The following CNNM1 variants were observed in gnomAD, a reference collection of about 807,000 sequenced individuals.
CNNM1 encodes metal transporter CNNM1.
Under a neutral mutation model 78.8 loss-of-function variants are expected in CNNM1, and 44 were observed. That is an observed-to-expected ratio of 0.56 (90% CI 0.44 to 0.72). The LOEUF (loss-of-function observed/expected upper bound fraction) is 0.72. CNNM1 is among the 30% of genes least tolerant of loss of function. CNNM1 has a pLI of 0.00. For synonymous variants in CNNM1, 584 were observed against 581.5 expected (o/e 1.00, Z -0.06); for missense variants, 1,101 against 1,292.2 (o/e 0.85, Z 2.27).
chr10:99,360,862 C>T lies in CNNM1; in HGVS notation c.1745C>T (p.Pro582Leu), dbSNP rs150442293. 1.2e-5 allele frequency: 19 copies of T among 1,610,848 alleles called. No homozygotes were observed. Among genetic ancestry groups the T allele is most frequent in the African/African-American group, 5.3e-5 (4 of 74,852 alleles). The change falls in exon 3 of 11, where the codon CCG becomes CTG. Residue 582 changes from proline (P) to leucine (L), a missense_variant. Physicochemically the swap from Pro to Leu is moderately conservative, Grantham distance 98. Around this residue, in one of 3 missense-constraint regions of CNNM1, gnomAD observed 277 missense variants for 423.2 expected, o/e 0.65. Transcript: ENST00000356713. ...GACAATCGGAAAAAGCAGAGGGTCC[C>T]GCAACGGGAGCGGAAGCGGCATGAC... ...YTDNRKKQRV[P>L]QRERKRHDFS...
At chr10:99,350,910 C>T (rs1464595217) in intron 1 of CNNM1, among the ~76,000 whole-genome samples, 1 of 151,982 alleles carries the variant, frequency 6.6e-6, no homozygotes, top group Non-Finnish European at 1.5e-5. Context: ...TTAGCTTCAT[C>T]CCTGTCTTCT....
In CNNM1 at chr10:99,330,815, G is replaced by A; in HGVS notation, c.1428G>A (p.Val476=). The A allele has an allele frequency of 6.2e-7, 1 of 1,614,148 alleles. No individual in the cohort carries two copies. The highest frequency in any genetic ancestry group is 8.5e-7 in the Non-Finnish European group (1 of 1,180,028). The part of the protein sequence containing the change: ...VYEGDQRHNI[V]DILFVKDLAF... ...AGGGTGACCAGCGGCACAACATTGTGGACATTTTATTTGTCAAGGACTTGG... is the reference window on the plus strand; with the variant it reads ...AGGGTGACCAGCGGCACAACATTGTAGACATTTTATTTGTCAAGGACTTGG... The change falls in exon 1 of 11, where the codon GTG becomes GTA. Residue 476 remains valine (V), a synonymous_variant. Transcript: ENST00000356713.
At chr10:99,361,624 T>C (rs184960709) in intron 3 of CNNM1, among the ~76,000 whole-genome samples, 3 of 152,362 alleles carry the variant, frequency 2.0e-5, no homozygotes, top group Admixed American at 2.0e-4. Context: ...TGCTTTAAGA[T>C]AGAATTTCTA....
chr10:99,366,655 G>A (rs532164010), intron 6 of CNNM1, among the ~76,000 whole-genome samples: 2 of 152,198 alleles, frequency 1.3e-5, no homozygotes, highest in African/African-American at 4.8e-5. Flanking sequence ...GGTAGCACGT[G>A]CCTTTGATCC....
intron 1 of CNNM1, among the ~76,000 whole-genome samples, chr10:99,349,817 G>A (rs2030865545): frequency 2.0e-5 from 3 of 152,160 alleles, no homozygotes; most frequent in Admixed American, 1.3e-4. Context: ...TGGCTAACAC[G>A]GTGAAACCCC....
intron 6 of CNNM1, among the ~76,000 whole-genome samples, chr10:99,375,748 A>T (rs907162063): frequency 6.6e-6 from 1 of 152,226 alleles, no homozygotes; most frequent in African/African-American, 2.4e-5. Flanking sequence ...AGCAGAATCT[A>T]TAAAGAATCT....
intron 6 of CNNM1, chr10:99,368,670 A>G: frequency 5.4e-6 from 7 of 1,289,610 alleles, no homozygotes; most frequent in Non-Finnish European, 7.1e-6. Context: ...ACTCTCTGGC[A>G]GGCTCCCCAG....
chr10:99,330,323 CG>C lies in CNNM1; in HGVS notation c.940del (p.Glu314LysfsTer48). The stretch of plus-strand genomic sequence containing the variant: ...CGCTGCCGCCGGGCTTCGGGGGCAC[CG>C]GGGAAGACTACAGCGAAGAGGGGAT... ...TSLPPGFGGT[G>X]EDYSEEGIHF... On this transcript the variant is annotated frameshift_variant, in exon 1 of 11. Transcript: ENST00000356713. LOFTEE classifies it high-confidence loss of function. The C allele has an allele frequency of 1.9e-6, 3 of 1,597,324 alleles. No individual in the cohort carries two copies. Among genetic ancestry groups the C allele is most frequent in the Non-Finnish European group, 1.7e-6 (2 of 1,172,950 alleles).
rs188951046 is a variant in CNNM1, at chr10:99,376,657, C to T, written c.2177-398C>T. Among the ~76,000 whole-genome samples the T allele has an allele frequency of 2.2e-4, 34 of 152,304 alleles. 1 individual carries two copies. In the East Asian group the frequency reaches 6.4e-3, roughly 29 times the overall value. ...AGGGTAGCAAGCCATGCTTGTAGTACTGCCCTCATCTCGTTCGGGGTCCTT... is the reference window on the plus strand; with the variant it reads ...AGGGTAGCAAGCCATGCTTGTAGTATTGCCCTCATCTCGTTCGGGGTCCTT... On this transcript the variant is annotated intron_variant, in intron 6 of 10. Coordinates refer to ENST00000356713, the MANE Select transcript of CNNM1 (RefSeq NM_020348.3).
At chr10:99,342,230 A>G (rs570110750) in intron 1 of CNNM1, among the ~76,000 whole-genome samples, 2 of 152,320 alleles carry the variant, frequency 1.3e-5, no homozygotes, top group South Asian at 4.2e-4. Flanking sequence ...TAGGGAGTCA[A>G]TGGAGAGACC....
At chr10:99,351,424 CAGGT>C (rs2030943170) in intron 1 of CNNM1, among the ~76,000 whole-genome samples, 1 of 152,110 alleles carries the variant, frequency 6.6e-6, no homozygotes, top group Non-Finnish European at 1.5e-5. Context: ...AAATGGTAAA[CAGGT>C]AGAGAGGAGA....
At chr10:99,331,107 G>A in intron 1 of CNNM1, 147 bp downstream of exon 1, 1 of 766,574 alleles carries the variant, frequency 1.3e-6, no homozygotes, top group Non-Finnish European at 2.0e-6. Context: ...TGGCTCCCTG[G>A]CTATTTTCAT....
intron 1 of CNNM1, among the ~76,000 whole-genome samples, chr10:99,350,995 C>T (rs562578856): frequency 6.4e-4 from 97 of 152,286 alleles, no homozygotes; most frequent in South Asian, 1.2e-3. Context: ...GCCAAATGTC[C>T]CCTGGGGGGC....
chr10:99,340,559 T>C (rs2030394607), intron 1 of CNNM1, among the ~76,000 whole-genome samples: 1 of 152,220 alleles, frequency 6.6e-6, no homozygotes, highest in Admixed American at 6.5e-5. Context: ...CTGTGGGTTT[T>C]CCTAGTAGTA....
intron 10 of CNNM1, among the ~76,000 whole-genome samples, chr10:99,390,665 C>T (rs182586235): frequency 7.2e-5 from 11 of 152,230 alleles, no homozygotes; most frequent in Non-Finnish European, 1.5e-4. Flanking sequence ...GACCTCCCTC[C>T]TTTACTTGTT....
chr10:99,337,066 T>G (rs1050781169), intron 1 of CNNM1, among the ~76,000 whole-genome samples: 2 of 152,236 alleles, frequency 1.3e-5, no homozygotes, highest in Non-Finnish European at 2.9e-5. Flanking sequence ...CTCATAAGAT[T>G]GTGTGAAATA....
At position 99,329,402 on chromosome 10, in the gene CNNM1, GGCGGCGGCAGCA is replaced by G; in HGVS notation, c.20_31del (p.Ala7_Ala10del). 1 of 806,704 alleles carries G rather than the reference GGCGGCGGCAGCA, an allele frequency of 1.2e-6. No homozygotes were observed. The highest frequency in any genetic ancestry group is 1.9e-6 in the Non-Finnish European group (1 of 540,304). 50.0% of individuals were successfully genotyped at this position (806,704 alleles called of 1,614,324 possible). A position where few individuals can be genotyped will look rare whatever the true frequency, so the allele number is the denominator to read the frequency against. On this transcript the variant is annotated inframe_deletion, in exon 1 of 11. Coordinates refer to ENST00000356713, the MANE Select transcript of CNNM1 (RefSeq NM_020348.3). ...CTGGGTGCAGGATGGCGGCGGCCGC[GGCGGCGGCAGCA>G]GCGGTGGGTGTCAGGCTCCGGGACT...
intron 6 of CNNM1, among the ~76,000 whole-genome samples, chr10:99,367,238 A>T (rs1381025357): frequency 6.6e-6 from 1 of 152,190 alleles, no homozygotes; most frequent in Non-Finnish European, 1.5e-5. Flanking sequence ...AAAATCTTGT[A>T]GGGTCTTGGC....
chr10:99,365,071 T>C, intron 6 of CNNM1, 69 bp downstream of exon 6: 2 of 1,528,032 alleles, frequency 1.3e-6, no homozygotes, highest in Non-Finnish European at 1.8e-6. Context: ...TCTGGGGACC[T>C]GGACCGAGCA....
Sources: allele counts gnomAD v4.1 joint callset (sites outside exome capture counted in the v4.1 genomes callset), GRCh38; gene constraint gnomAD v4.1.1; regional missense constraint gnomAD v4.1.1; transcripts MANE v1.5; gene names NCBI Gene and HGNC (gene_info 2026-07-23, HGNC 2026-07-21).